Variants in ZSWIM5 observed in about 807,000 individuals in gnomAD.
ZSWIM5 encodes the protein zinc finger SWIM-type containing 5.
In ZSWIM5, 55 loss-of-function variants were observed where a neutral mutation model predicts 119.6. The observed-to-expected ratio is 0.46, with a 90% CI of 0.37 to 0.58. The LOEUF (loss-of-function observed/expected upper bound fraction) is 0.58. Ranked by LOEUF, ZSWIM5 falls within the 20% of genes least tolerant of loss-of-function variation. ZSWIM5 has a pLI of 0.00. For missense variants in ZSWIM5, 1,193 were observed against 1,512.8 expected (o/e 0.79, Z 3.51); for synonymous variants, 537 against 606.9 (o/e 0.88, Z 1.69).
At chr1:45,133,530 A>G (rs571091673) in intron 1 of ZSWIM5, among the ~76,000 whole-genome samples, 2 of 152,116 alleles carry the variant, frequency 1.3e-5, no homozygotes, top group East Asian at 1.9e-4. Flanking sequence ...AGATGGGTAG[A>G]TTGCAAAAAT....
intron 11 of ZSWIM5, among the ~76,000 whole-genome samples, chr1:45,033,399 A>G (rs919311354): frequency 6.6e-6 from 1 of 152,180 alleles, no homozygotes; most frequent in Admixed American, 6.5e-5. Flanking sequence ...TTTTTAATTA[A>G]AAAATAACTT....
intron 2 of ZSWIM5, among the ~76,000 whole-genome samples, chr1:45,068,163 T>G (rs1341196100): frequency 7.5e-6 from 1 of 133,344 alleles, no homozygotes; most frequent in Non-Finnish European, 1.5e-5. Context: ...AGTGCAGTGG[T>G]GTGATCTCAG....
At chr1:45,099,108 C>G (rs1381606712) in intron 1 of ZSWIM5, among the ~76,000 whole-genome samples, 2 of 152,194 alleles carry the variant, frequency 1.3e-5, no homozygotes, top group East Asian at 1.9e-4. Context: ...ATGAATCCAG[C>G]AGCTGGTTTT....
chr1:45,172,661 T>C (rs1365954636), intron 1 of ZSWIM5, among the ~76,000 whole-genome samples: 1 of 152,026 alleles, frequency 6.6e-6, no homozygotes, highest in African/African-American at 2.4e-5. Flanking sequence ...AGCTGAACTC[T>C]TTGGGGAAAA....
At chr1:45,194,229 G>A (rs1377058053) in intron 1 of ZSWIM5, among the ~76,000 whole-genome samples, 1 of 152,034 alleles carries the variant, frequency 6.6e-6, no homozygotes, top group East Asian at 1.9e-4. Flanking sequence ...AACCATGAAT[G>A]AATAGGGGGA....
chr1:45,190,926 A>ATTT (rs1557794312), intron 1 of ZSWIM5, among the ~76,000 whole-genome samples: 7 of 72,238 alleles, frequency 9.7e-5, no homozygotes, highest in African/African-American at 2.3e-4. Flanking sequence ...AAATAGCTGG[A>ATTT]ATTTTTTTTT....
chr1:45,155,153 A>G (rs1645819715), intron 1 of ZSWIM5, among the ~76,000 whole-genome samples: 1 of 152,186 alleles, frequency 6.6e-6, no homozygotes, highest in Non-Finnish European at 1.5e-5. Context: ...AAGGACTAAT[A>G]TCCAGAGTCT....
At chr1:45,168,850 A>G (rs991072927) in intron 1 of ZSWIM5, among the ~76,000 whole-genome samples, 1 of 152,088 alleles carries the variant, frequency 6.6e-6, no homozygotes, top group African/African-American at 2.4e-5. Flanking sequence ...CTCAGCTAGA[A>G]CAGAGGAAAG....
chr1:45,095,523 G>A (rs1276725212), intron 1 of ZSWIM5, among the ~76,000 whole-genome samples: 2 of 152,222 alleles, frequency 1.3e-5, no homozygotes, highest in Non-Finnish European at 1.5e-5. Flanking sequence ...TAAACTACAA[G>A]TTCCCTTCTT....
In ZSWIM5 at chr1:45,016,692, C is replaced by T. The variant is rs1644855943; in HGVS notation, c.*1762G>A. On this transcript the variant is annotated 3_prime_UTR_variant, in exon 14 of 14. Coordinates refer to ENST00000359600, the MANE Select transcript of ZSWIM5 (RefSeq NM_020883.2). ...GAGAAGTTCTTAGTTCACATTCTAG[C>T]TATACCACCCCTTCCCTATCAAACC... The T allele has an allele frequency of 6.6e-6, 1 of 152,216 alleles. No homozygotes were observed. Among genetic ancestry groups the T allele is most frequent in the South Asian group, 2.1e-4 (1 of 4,834 alleles). 9.4% of individuals were successfully genotyped at this position (152,216 alleles called of 1,614,324 possible).
intron 1 of ZSWIM5, among the ~76,000 whole-genome samples, chr1:45,097,689 C>T (rs1645411483): frequency 6.6e-6 from 1 of 152,032 alleles, no homozygotes; most frequent in Non-Finnish European, 1.5e-5. Flanking sequence ...GCATTTCTTT[C>T]AACTCAATGT....
intron 1 of ZSWIM5, among the ~76,000 whole-genome samples, chr1:45,192,610 T>C (rs966633201): frequency 6.6e-6 from 1 of 152,238 alleles, no homozygotes. Context: ...ATAATGCTGC[T>C]ATAAAACATG....
At chr1:45,023,050 A>G (rs769076936) in intron 11 of ZSWIM5, among the ~76,000 whole-genome samples, 1 of 152,206 alleles carries the variant, frequency 6.6e-6, no homozygotes, top group Non-Finnish European at 1.5e-5. Flanking sequence ...GTACATAATT[A>G]TTAGTGTGGT....
rs1419966953 is a variant in ZSWIM5 at position 45,072,099 on chromosome 1, CT to C, written c.953-11853del. ...CTCACCAGCACTTCTTATTGCCTGT[CT>C]TTTGGATATAAGCCATTTTTACTGA... On this transcript the variant is annotated intron_variant, in intron 2 of 13. Transcript: ENST00000359600. The surrounding 1 kb of genome is among the most constrained non-coding windows in gnomAD (Gnocchi z 4.1). Among the ~76,000 whole-genome samples, 1 of 150,300 alleles carries C rather than the reference CT, an allele frequency of 6.7e-6. No homozygotes were observed. Among genetic ancestry groups the C allele is most frequent in the Non-Finnish European group, 1.5e-5 (1 of 68,016 alleles).
intron 1 of ZSWIM5, among the ~76,000 whole-genome samples, chr1:45,183,774 A>G (rs1646038158): frequency 6.6e-6 from 1 of 152,178 alleles, no homozygotes; most frequent in African/African-American, 2.4e-5. Context: ...ACCAACCAAA[A>G]AGAGTCCAGG....
intron 1 of ZSWIM5, among the ~76,000 whole-genome samples, chr1:45,166,081 A>C (rs536160938): frequency 6.6e-6 from 1 of 152,170 alleles, no homozygotes; most frequent in Non-Finnish European, 1.5e-5. Context: ...AAATACTGGC[A>C]AACTGAATCC....
chr1:45,070,075 G>T, intron 2 of ZSWIM5: 1 of 911,478 alleles, frequency 1.1e-6, no homozygotes. Context: ...ACTAGAAGAA[G>T]AAATCTATTG....
chr1:45,114,195 G>A (rs571590893), intron 1 of ZSWIM5, among the ~76,000 whole-genome samples: 25 of 152,180 alleles, frequency 1.6e-4, no homozygotes, highest in Non-Finnish European at 3.1e-4. Flanking sequence ...ACTATCCTTC[G>A]GCATGGAAGG....
In ZSWIM5 at chr1:45,145,605, TA is replaced by T. The variant is rs539835146; in HGVS notation, c.596-57369del. Among the ~76,000 whole-genome samples, 1,509 of 150,920 alleles carry T rather than the reference TA, an allele frequency of 1.0e-2. 30 individuals carry two copies. The highest frequency in any genetic ancestry group is 0.035 in the African/African-American group (1,445 of 41,208). On this transcript the variant is annotated intron_variant, in intron 1 of 13. Transcript: ENST00000359600. The stretch of plus-strand genomic sequence containing the variant: ...TATATTTCCATTTATATAACATTCT[TA>T]AAAAAAAACCAAAACTATAATGATG...
Sources: gnomAD v4.1 joint callset for allele counts (sites outside exome capture counted in the v4.1 genomes callset) on GRCh38, gnomAD v4.1.1 for gene constraint, Gnocchi (gnomAD v3.1) non-coding constraint, MANE v1.5 for transcripts, NCBI Gene and HGNC (gene_info 2026-07-23, HGNC 2026-07-21) for gene names.